The following CTNND2 variants were observed in gnomAD, a reference collection of about 807,000 sequenced individuals.
The protein encoded by CTNND2 is catenin delta 2.
A neutral mutation model predicts 144.4 loss-of-function variants in CTNND2; 22 were observed. The ratio of observed to expected loss-of-function variants is 0.15; its 90% CI spans 0.11 to 0.22. The LOEUF is 0.22. Among genes scored for constraint, CTNND2 ranks in the 10% least tolerant of loss-of-function variants. The probability of loss-of-function intolerance (pLI) is 1.00; values close to 1 mark genes in which losing one functional copy is unlikely to be tolerated. For missense variants in CTNND2, 1,353 were observed against 1,618.8 expected (o/e 0.84, Z 2.82); for synonymous variants, 751 against 695.6 (o/e 1.08, Z -1.25).
intron 18 of CTNND2, among the ~76,000 whole-genome samples, chr5:11,016,929 C>T (rs969700335): frequency 2.0e-5 from 3 of 151,218 alleles, no homozygotes; most frequent in African/African-American, 4.9e-5. Context: ...GCTACCACGC[C>T]GAGCTTTTTA....
intron 9 of CTNND2, among the ~76,000 whole-genome samples, chr5:11,294,558 C>T (rs960561198): frequency 2.0e-5 from 3 of 152,090 alleles, no homozygotes; most frequent in Non-Finnish European, 2.9e-5. Context: ...AACTTACATC[C>T]AACACTTTAA....
chr5:11,653,090 T>C, intron 2 of CTNND2, among the ~76,000 whole-genome samples: 1 of 151,472 alleles, frequency 6.6e-6, no homozygotes, highest in East Asian at 1.9e-4. Context: ...TGTGTGTGTG[T>C]GTGTGTGTGT....
intron 1 of CTNND2, among the ~76,000 whole-genome samples, chr5:11,766,609 A>G (rs1473822997): frequency 6.6e-6 from 1 of 152,094 alleles, no homozygotes; most frequent in East Asian, 1.9e-4. Context: ...TCTTTTGTAA[A>G]TTGCCCAGTC....
rs554743027 is a variant in CTNND2, at chr5:11,616,767, C to T, written c.175-51711G>A. 6.6e-5 allele frequency among the ~76,000 whole-genome samples: 10 copies of T among 152,198 alleles called. No homozygotes were observed. In the South Asian group the frequency reaches 1.0e-3, roughly 16 times the overall value. On this transcript the variant is annotated intron_variant, in intron 2 of 21. Transcript: ENST00000304623. ...GATTACAGGCATGTGCTACCACGCC[C>T]GGCTAAGTTTTGTATTTTTAGCAGA...
chr5:11,453,963 ATT>A lies in CTNND2; in HGVS notation c.288-41896_288-41895del, dbSNP rs1337746041. Among the ~76,000 whole-genome samples, 41 of 152,320 alleles carry A rather than the reference ATT, an allele frequency of 2.7e-4. 1 individual carries two copies. Among genetic ancestry groups the A allele is most frequent in the Admixed American group, 8.5e-4 (13 of 15,300 alleles). On this transcript the variant is annotated intron_variant, in intron 3 of 21. Coordinates refer to ENST00000304623, the MANE Select transcript of CTNND2 (RefSeq NM_001332.4). Reference sequence around the variant, plus strand: ...CTTATGGAGTGTTACAGAAATACAAATTTATTCTATCAACATTAACACTTTAT... The same window carrying A: ...CTTATGGAGTGTTACAGAAATACAAATATTCTATCAACATTAACACTTTAT...
At chr5:11,455,225 C>T (rs999032747) in intron 3 of CTNND2, among the ~76,000 whole-genome samples, 1 of 151,828 alleles carries the variant, frequency 6.6e-6, no homozygotes, top group Non-Finnish European at 1.5e-5. Flanking sequence ...GTATAGAAAG[C>T]TACTTTATTC....
chr5:11,250,545 T>A (rs1280033558), intron 9 of CTNND2, among the ~76,000 whole-genome samples: 2 of 141,014 alleles, frequency 1.4e-5, no homozygotes, highest in African/African-American at 5.3e-5. Flanking sequence ...AGAGACAGGG[T>A]CTTGCTCTGT....
chr5:11,343,591 A>ATTT (rs1361282011), intron 9 of CTNND2, among the ~76,000 whole-genome samples: 1 of 152,144 alleles, frequency 6.6e-6, no homozygotes, highest in African/African-American at 2.4e-5. Context: ...TGTTCGTGCC[A>ATTT]ACATGTGCTG....
chr5:11,586,199 C>A (rs942866129), intron 2 of CTNND2, among the ~76,000 whole-genome samples: 3 of 152,038 alleles, frequency 2.0e-5, no homozygotes, highest in Non-Finnish European at 4.4e-5. Flanking sequence ...TGGGGAGGAC[C>A]TAATAAACAC....
chr5:11,400,115 A>G (rs969352202), intron 5 of CTNND2, among the ~76,000 whole-genome samples: 1 of 152,102 alleles, frequency 6.6e-6, no homozygotes, highest in Non-Finnish European at 1.5e-5. Context: ...GCTTTAAATT[A>G]TGTTTTTTTT....
chr5:11,083,859 G>A, intron 15 of CTNND2: 1 of 1,099,102 alleles, frequency 9.1e-7, no homozygotes. Flanking sequence ...ATGGGGGCAG[G>A]CACCCCAGAG....
At chr5:11,645,550 A>C (rs1291476788) in intron 2 of CTNND2, among the ~76,000 whole-genome samples, 2 of 152,174 alleles carry the variant, frequency 1.3e-5, no homozygotes, top group Non-Finnish European at 2.9e-5. Flanking sequence ...TCCTTTTTTA[A>C]AAATTTCTTT....
intron 7 of CTNND2, among the ~76,000 whole-genome samples, chr5:11,373,387 T>C (rs1757634445): frequency 2.0e-5 from 3 of 152,134 alleles, no homozygotes; most frequent in South Asian, 4.1e-4. Flanking sequence ...TCAGGGTGGA[T>C]ATTTTAGACA....
chr5:11,786,699 A>G (rs184663190), intron 1 of CTNND2, among the ~76,000 whole-genome samples: 1 of 151,212 alleles, frequency 6.6e-6, no homozygotes, highest in African/African-American at 2.5e-5. Flanking sequence ...CTTTTCCTGA[A>G]GATCCCTCTC....
At chr5:11,179,764 A>T (rs894720777) in intron 11 of CTNND2, among the ~76,000 whole-genome samples, 6 of 152,158 alleles carry the variant, frequency 3.9e-5, no homozygotes, top group Non-Finnish European at 7.4e-5. Context: ...TATAATATTT[A>T]AAAAAATATG....
chr5:11,087,582 T>C (rs978989056), intron 15 of CTNND2, among the ~76,000 whole-genome samples: 1 of 152,232 alleles, frequency 6.6e-6, no homozygotes, highest in Non-Finnish European at 1.5e-5. Flanking sequence ...TCCAGAGTTA[T>C]GTTATGGATT....
intron 3 of CTNND2, among the ~76,000 whole-genome samples, chr5:11,511,435 G>T (rs1453854800): frequency 6.6e-6 from 1 of 152,092 alleles, no homozygotes; most frequent in East Asian, 1.9e-4. Context: ...GAGGGGAGAA[G>T]GTTGTGTGTG....
chr5:11,726,235 T>C (rs1787010126), intron 2 of CTNND2, among the ~76,000 whole-genome samples: 1 of 152,154 alleles, frequency 6.6e-6, no homozygotes, highest in African/African-American at 2.4e-5. Flanking sequence ...AAATGTGAAA[T>C]ACAATTATAT....
intron 9 of CTNND2, among the ~76,000 whole-genome samples, chr5:11,273,790 A>G (rs1746255336): frequency 6.6e-6 from 1 of 152,182 alleles, no homozygotes; most frequent in Non-Finnish European, 1.5e-5. Context: ...GTTGACATGA[A>G]GCAGCGTAGG....
Sources: allele counts gnomAD v4.1 joint callset (sites outside exome capture counted in the v4.1 genomes callset), GRCh38; gene constraint gnomAD v4.1.1; transcripts MANE v1.5; gene names NCBI Gene and HGNC (gene_info 2026-07-23, HGNC 2026-07-21).